The following NSD3 variants were observed in gnomAD, a reference collection of about 807,000 sequenced individuals.
NSD3 encodes nuclear receptor binding SET domain protein 3.
Under a neutral mutation model 160.8 loss-of-function variants are expected in NSD3, and 24 were observed. The observed-to-expected ratio is 0.15, with a 90% confidence interval of 0.11 to 0.21. The LOEUF (loss-of-function observed/expected upper bound fraction) is 0.21. Among genes scored for constraint, NSD3 ranks in the 10% least tolerant of loss-of-function variants. NSD3 has a pLI of 1.00. For missense variants in NSD3, 1,157 were observed against 1,735.9 expected, an observed-to-expected ratio of 0.67 and a Z score of 5.93; for synonymous variants, 520 against 600.0, an observed-to-expected ratio of 0.87 and a Z score of 1.95.
At chr8:38,305,216 A>G in intron 13 of NSD3, 32 bp downstream of exon 13, 3 of 1,607,760 alleles carry the variant, frequency 1.9e-6, no homozygotes, top group Non-Finnish European at 2.5e-6. Context: ...CCTTAAAACA[A>G]AAATCTTTGT....
At chr8:38,300,148 T>C (rs1342770177) in intron 14 of NSD3, among the ~76,000 whole-genome samples, 1 of 150,766 alleles carries the variant, frequency 6.6e-6, no homozygotes, top group East Asian at 2.0e-4. Context: ...GGTACATGTT[T>C]TATTTCATTT....
chr8:38,381,025 C>T (rs1254547449), intron 1 of NSD3, among the ~76,000 whole-genome samples: 1 of 152,158 alleles, frequency 6.6e-6, no homozygotes, highest in Non-Finnish European at 1.5e-5. Context: ...AATCCCATAA[C>T]CACCAGCTTC....
rs190394804 is a variant in NSD3 at position 38,280,909 on chromosome 8, C to T, written c.3618+558G>A. ...CTGGGACCACAGAAACGTGCCACCACACCTGGCTAACTTTATTTTTATTTT... is the reference window on the plus strand; with the variant it reads ...CTGGGACCACAGAAACGTGCCACCATACCTGGCTAACTTTATTTTTATTTT... On this transcript the variant is annotated intron_variant, in intron 20 of 23. Coordinates refer to ENST00000317025, the MANE Select transcript of NSD3 (RefSeq NM_023034.2). Among the ~76,000 whole-genome samples the T allele has an allele frequency of 1.3e-3, 191 of 152,074 alleles. 1 individual carries two copies. The highest frequency in any genetic ancestry group is 4.2e-3 in the African/African-American group (176 of 41,490).
chr8:38,316,118 A>C lies in NSD3; in HGVS notation c.1856-76T>G. ...TTAATTTTTTTGTGTGTGGGAGAAT[A>C]TTTTCTTTTCTCAAACTCATCTTTA... On this transcript the variant is annotated intron_variant, in intron 9 of 23. Coordinates refer to ENST00000317025, the MANE Select transcript of NSD3 (RefSeq NM_023034.2). The surrounding 1 kb of genome is among the most constrained non-coding windows in gnomAD (Gnocchi z 4.5). 3 of 1,564,192 alleles carry C rather than the reference A, an allele frequency of 1.9e-6. No homozygotes were observed. The highest frequency in any genetic ancestry group is 2.6e-6 in the Non-Finnish European group (3 of 1,155,536).
At position 38,329,069 on chromosome 8, in the gene NSD3, T is replaced by A. The variant is rs890746229; in HGVS notation, c.1581+309A>T. ...CACTTTGCAACTAAGAAAAGCTAAC[T>A]ACGCAAACTAGAAACAGGCAAAGTG... On this transcript the variant is annotated intron_variant, in intron 6 of 23. Transcript: ENST00000317025. This position sits in a 1 kb window ranked among gnomAD's most constrained non-coding sequence, Gnocchi z 4.8. 6.6e-6 allele frequency among the ~76,000 whole-genome samples: 1 copy of A among 152,182 alleles called. No individual in the cohort carries two copies. The highest frequency in any genetic ancestry group is 1.9e-4 in the East Asian group (1 of 5,198).
At chr8:38,303,500 T>A (rs1168727444) in intron 14 of NSD3, 44 of 543,670 alleles carry the variant, frequency 8.1e-5, no homozygotes, top group Non-Finnish European at 9.6e-5. Flanking sequence ...CAGACCCTGC[T>A]AGCTACTCCA....
chr8:38,277,114 T>C (rs1051710011), intron 22 of NSD3, among the ~76,000 whole-genome samples: 1 of 152,166 alleles, frequency 6.6e-6, no homozygotes, highest in African/African-American at 2.4e-5. Flanking sequence ...GCTAATGTTT[T>C]GTATTTTAGT....
intron 17 of NSD3, among the ~76,000 whole-genome samples, chr8:38,290,253 A>G (rs1808971351): frequency 6.6e-6 from 1 of 152,076 alleles, no homozygotes; most frequent in Non-Finnish European, 1.5e-5. Flanking sequence ...ATCTGTGTTT[A>G]TAGAAAGACA....
chr8:38,310,640 T>C (rs1411700842), intron 12 of NSD3, among the ~76,000 whole-genome samples: 1 of 151,824 alleles, frequency 6.6e-6, no homozygotes, highest in Non-Finnish European at 1.5e-5. Flanking sequence ...CCTGAGTATT[T>C]GGGACTATGG....
chr8:38,315,512 T>G lies in NSD3; in HGVS notation c.2019A>C (p.Ser673=), dbSNP rs1177868640. Residue 673 remains serine, a synonymous_variant, in exon 11 of 24, where the codon TCA becomes TCC. Transcript: ENST00000317025. ...CAGAAACGTCTGCATCTGCAGTAGC[T>G]GAAGGGCTATCTACTTGCTTTCCAA... ...VGFGKQVDSP[S]ATADADVSDV... The G allele has an allele frequency of 1.2e-6, 2 of 1,613,536 alleles. No individual in the cohort carries two copies. The highest frequency in any genetic ancestry group is 1.7e-6 in the Non-Finnish European group (2 of 1,179,848).
At position 38,288,307 on chromosome 8, in the gene NSD3, A is replaced by G. The variant is rs1214378075; in HGVS notation, c.3501+180T>C. Among the ~76,000 whole-genome samples the G allele has an allele frequency of 6.6e-6, 1 of 152,186 alleles. No individual in the cohort carries two copies. The highest frequency in any genetic ancestry group is 6.5e-5 in the Admixed American group (1 of 15,278). On this transcript the variant is annotated intron_variant, in intron 19 of 23. Transcript: ENST00000317025. The surrounding 1 kb of genome is among the most constrained non-coding windows in gnomAD (Gnocchi z 4.5). ...GACACTCAAAGTTTAAGCACATTTTATCACTATCTTCTTCCTACTACTCTT... is the reference window on the plus strand; with the variant it reads ...GACACTCAAAGTTTAAGCACATTTTGTCACTATCTTCTTCCTACTACTCTT...
At chr8:38,309,618 A>C (rs941056682) in intron 12 of NSD3, among the ~76,000 whole-genome samples, 2 of 152,206 alleles carry the variant, frequency 1.3e-5, no homozygotes, top group Non-Finnish European at 2.9e-5. Flanking sequence ...GCACCACTGC[A>C]CTTCAGCCTG....
chr8:38,318,789 G>T lies in NSD3; in HGVS notation c.1855+106C>A. 1 of 1,084,902 alleles carries T rather than the reference G, an allele frequency of 9.2e-7. No individual in the cohort carries two copies. Among genetic ancestry groups the T allele is most frequent in the Non-Finnish European group, 1.4e-6 (1 of 716,822 alleles). The allele number at this position is 1,084,902 out of a possible 1,614,324, so 67.2% of individuals were successfully genotyped here. On this transcript the variant is annotated intron_variant, in intron 9 of 23. Transcript: ENST00000317025. The surrounding 1 kb of genome is among the most constrained non-coding windows in gnomAD (Gnocchi z 5.3). Reference sequence around the variant, plus strand: ...GAATACTGCAATTTCACACTGAAGAGCAACAACGATTTACAGAGACAGACA... The same window carrying T: ...GAATACTGCAATTTCACACTGAAGATCAACAACGATTTACAGAGACAGACA...
intron 16 of NSD3, among the ~76,000 whole-genome samples, chr8:38,291,137 T>G (rs1391806441): frequency 2.0e-5 from 3 of 152,208 alleles, no homozygotes; most frequent in Admixed American, 2.0e-4. Context: ...CAAATCAGCA[T>G]TTAGTCTCGA....
Position 38,372,933 on chromosome 8 carries a change from C to T in NSD3, c.-45+8866G>A, listed in dbSNP as rs1343389934. The stretch of plus-strand genomic sequence containing the variant: ...GGGTGTGGTGATGGGCACCTGTAGT[C>T]GAGCTACTCGGAAGGCTGACGCAGG... On this transcript the variant is annotated intron_variant, in intron 1 of 23. Transcript: ENST00000317025. 1.2e-4 allele frequency among the ~76,000 whole-genome samples: 11 copies of T among 91,310 alleles called. No individual in the cohort carries two copies. In the East Asian group the frequency reaches 4.3e-3, roughly 36 times the overall value. The allele number at this position is 91,310 out of a possible 152,430, so 59.9% of individuals were successfully genotyped here. A position where few individuals can be genotyped will look rare whatever the true frequency, so the allele number is the denominator to read the frequency against.
chr8:38,279,701 G>A lies in NSD3; in HGVS notation c.3619-20C>T. On this transcript the variant is annotated intron_variant, in intron 20 of 23. Coordinates refer to ENST00000317025, the MANE Select transcript of NSD3 (RefSeq NM_023034.2). ...ACGGTCCTTCAGAAAGAAAAGAAAA[G>A]TACCTTTTACATAAATTAAGTCTCT... 6.2e-7 allele frequency: 1 copy of A among 1,604,916 alleles called. No individual in the cohort carries two copies. The highest frequency in any genetic ancestry group is 1.3e-5 in the African/African-American group (1 of 74,818).
chr8:38,295,883 G>C lies in NSD3; in HGVS notation c.2828C>G (p.Pro943Arg), dbSNP rs1563345958. ...GTCATTACAATTCCAGCAGCCTTCT[G>C]GCATTTCTATGCTTAGGCATTCCGG... Reference protein sequence around the residue: ...FHPECLSIEMPEGCWNCNDCK... With the variant: ...FHPECLSIEMREGCWNCNDCK... The change falls in exon 16 of 24, where the codon CCA becomes CGA. Residue 943 changes from proline to arginine, a missense_variant. Around this residue, in one of 10 missense-constraint regions of NSD3, gnomAD observed 437 missense variants for 576.6 expected, o/e 0.76. Transcript: ENST00000317025. The C allele has an allele frequency of 8.7e-6, 14 of 1,613,976 alleles. No homozygotes were observed. Among genetic ancestry groups the C allele is most frequent in the Non-Finnish European group, 1.0e-5 (12 of 1,179,984 alleles).
At chr8:38,287,272 T>G (rs1808883993) in intron 19 of NSD3, among the ~76,000 whole-genome samples, 1 of 152,238 alleles carries the variant, frequency 6.6e-6, no homozygotes, top group African/African-American at 2.4e-5. Context: ...ATAGGTTATT[T>G]ATTTACTTAT....
intron 1 of NSD3, among the ~76,000 whole-genome samples, chr8:38,358,858 T>G (rs1184377740): frequency 1.3e-5 from 2 of 152,102 alleles, no homozygotes; most frequent in Non-Finnish European, 2.9e-5. Context: ...TCAAGGGAGA[T>G]TCTCGTTTTA....
Sources: allele counts gnomAD v4.1 joint callset (sites outside exome capture counted in the v4.1 genomes callset), GRCh38; gene constraint gnomAD v4.1.1; regional missense constraint gnomAD v4.1.1; non-coding constraint Gnocchi (gnomAD v3.1); transcripts MANE v1.5; gene names NCBI Gene and HGNC (gene_info 2026-07-23, HGNC 2026-07-21).